Variants in CEP41 observed in about 807,000 individuals in gnomAD.
CEP41 encodes the protein centrosomal protein 41, also known as centrosomal protein of 41 kDa.
Under a neutral mutation model 44.3 loss-of-function variants are expected in CEP41, and 32 were observed. The observed-to-expected ratio is 0.72, with a 90% confidence interval of 0.54 to 0.97. CEP41 has a LOEUF of 0.97. Ranked by LOEUF, CEP41 falls within the 50% of genes least tolerant of loss-of-function variation. The probability of loss-of-function intolerance (pLI) is 0.00; values close to 1 mark genes in which losing one functional copy is unlikely to be tolerated. For missense variants in CEP41, 432 were observed against 455.2 expected, an observed-to-expected ratio of 0.95 and a Z score of 0.46; for synonymous variants, 151 against 168.5, an observed-to-expected ratio of 0.90 and a Z score of 0.80.
intron 4 of CEP41, among the ~76,000 whole-genome samples, 179 bp from the exon 5 acceptor site, chr7:130,411,370 C>T (rs1461888477): frequency 2.0e-5 from 3 of 152,186 alleles, no homozygotes; most frequent in Non-Finnish European, 4.4e-5. Flanking sequence ...TGGTAATATA[C>T]TGCAGATGAT....
chr7:130,419,903 C>G (rs937072332), intron 2 of CEP41: 1 of 985,378 alleles, frequency 1.0e-6, no homozygotes, highest in South Asian at 4.7e-5. Context: ...ACTGTATTGT[C>G]TTACCTACCT....
intron 2 of CEP41, chr7:130,420,791 A>AAATG: frequency 1.7e-6 from 1 of 596,802 alleles, no homozygotes; most frequent in Non-Finnish European, 2.1e-6. Flanking sequence ...ATAAATAAAT[A>AAATG]AATAGGAAAA....
At chr7:130,436,645 T>C (rs1463683655) in intron 1 of CEP41, among the ~76,000 whole-genome samples, 29 of 68,344 alleles carry the variant, frequency 4.2e-4, no homozygotes, top group African/African-American at 1.7e-3. Flanking sequence ...TTTGTACTAT[T>C]TTTTTTTTTT....
In CEP41 at chr7:130,432,042, C is replaced by T. The variant is rs1301212733; in HGVS notation, c.34-4024G>A. Among the ~76,000 whole-genome samples the T allele has an allele frequency of 3.9e-5, 6 of 152,050 alleles. No individual in the cohort carries two copies. The South Asian group carries it at 6.2e-4, about 16-fold the overall frequency. Reference sequence around the variant, plus strand: ...CTACAATTACAGGACAGCCCCACCACAAAGAATTAGCCAGCCCAAACGCCA... The same window carrying T: ...CTACAATTACAGGACAGCCCCACCATAAAGAATTAGCCAGCCCAAACGCCA... On this transcript the variant is annotated intron_variant, in intron 1 of 10. Coordinates refer to ENST00000223208, the MANE Select transcript of CEP41 (RefSeq NM_018718.3).
rs369274403 is a variant in CEP41 at position 130,411,568 on chromosome 7, C to T, written c.208-377G>A. ...ACATAGAATGGTATCAGCAATTATC[C>T]ACGCAATGAAGAAGTAAATGTAATA... On this transcript the variant is annotated intron_variant, in intron 4 of 10. Coordinates refer to ENST00000223208, the MANE Select transcript of CEP41 (RefSeq NM_018718.3). Among the ~76,000 whole-genome samples, 178 of 152,276 alleles carry T rather than the reference C, an allele frequency of 1.2e-3. 1 individual carries two copies. Among genetic ancestry groups the T allele is most frequent in the African/African-American group, 3.9e-3 (160 of 41,550 alleles).
In CEP41 at chr7:130,395,772, C is replaced by A. The variant is rs1168997749; in HGVS notation, c.*3119G>T. ...GAATTTTTGTATAATTTAAATAGCA[C>A]CACAGGAAAAATCCCTGAGCAACTA... is the stretch of plus-strand genomic sequence containing the variant. On this transcript the variant is annotated 3_prime_UTR_variant, in exon 11 of 11. Transcript: ENST00000223208. 4.4e-6 allele frequency: 2 copies of A among 453,414 alleles called. No homozygotes were observed. Among genetic ancestry groups the A allele is most frequent in the African/African-American group, 2.0e-5 (1 of 49,890 alleles). 28.1% of individuals were successfully genotyped at this position (453,414 alleles called of 1,614,324 possible).
At chr7:130,429,348 G>C (rs1797760166) in intron 1 of CEP41, among the ~76,000 whole-genome samples, 1 of 152,186 alleles carries the variant, frequency 6.6e-6, no homozygotes, top group Non-Finnish European at 1.5e-5. Context: ...GGTCTCCTTT[G>C]TGCTGCTGTC....
chr7:130,428,500 C>A (rs1318112306), intron 1 of CEP41, among the ~76,000 whole-genome samples: 1 of 141,674 alleles, frequency 7.1e-6, no homozygotes, highest in Non-Finnish European at 1.5e-5. Flanking sequence ...ATATAGGATT[C>A]TTTTCAACAG....
intron 3 of CEP41, among the ~76,000 whole-genome samples, chr7:130,414,986 G>T (rs924106028): frequency 3.3e-5 from 5 of 152,190 alleles, no homozygotes; most frequent in African/African-American, 1.2e-4. Flanking sequence ...ACAGAGACCT[G>T]ACTATCTAGG....
At chr7:130,410,461 A>G (rs1448951990) in intron 5 of CEP41, among the ~76,000 whole-genome samples, 16 of 152,166 alleles carry the variant, frequency 1.1e-4, no homozygotes. Context: ...CAGCAAGAAG[A>G]CACTGGATGC....
chr7:130,421,641 T>C (rs1797512920), intron 2 of CEP41: 2 of 1,037,574 alleles, frequency 1.9e-6, no homozygotes, highest in South Asian at 4.5e-5. Flanking sequence ...TGTCTAGAGA[T>C]AATAAAAGGA....
At chr7:130,422,074 G>C in intron 2 of CEP41, 1 of 1,524,192 alleles carries the variant, frequency 6.6e-7, no homozygotes, top group Non-Finnish European at 8.8e-7. Context: ...GCTGCACTCA[G>C]TGTTTGAGTT....
chr7:130,406,336 C>A (rs1797007410), intron 5 of CEP41, among the ~76,000 whole-genome samples: 1 of 152,152 alleles, frequency 6.6e-6, no homozygotes, highest in Non-Finnish European at 1.5e-5. Flanking sequence ...GTAATCCCAG[C>A]ACTTTGGGAG....
In CEP41 at chr7:130,398,820, C is replaced by T. The variant is rs533789836; in HGVS notation, c.*71G>A. On this transcript the variant is annotated 3_prime_UTR_variant, in exon 11 of 11. Coordinates refer to ENST00000223208, the MANE Select transcript of CEP41 (RefSeq NM_018718.3). Reference sequence around the variant, plus strand: ...CCTCTGCAGAAGTTTCTGGAAATGACCCAACTTGGGAAATGCTCAGGGGTT... The same window carrying T: ...CCTCTGCAGAAGTTTCTGGAAATGATCCAACTTGGGAAATGCTCAGGGGTT... 3 of 1,575,370 alleles carry T rather than the reference C, an allele frequency of 1.9e-6. No individual in the cohort carries two copies. In the African/African-American group the frequency reaches 4.0e-5, roughly 21 times the overall value.
chr7:130,426,715 TG>T, intron 2 of CEP41: 1 of 453,484 alleles, frequency 2.2e-6, no homozygotes, highest in Non-Finnish European at 4.4e-6. Flanking sequence ...AGGGTTTTTG[TG>T]GCAGAAGAAA....
At chr7:130,419,196 G>GCAATTATACAAAAATACAA in intron 2 of CEP41, 2 of 985,398 alleles carry the variant, frequency 2.0e-6, no homozygotes, top group Non-Finnish European at 2.4e-6. Flanking sequence ...AATATTTGGT[G>GCAATTATACAAAAATACAA]AAATTCAGAC....
At chr7:130,418,135 C>G (rs1473929235) in intron 2 of CEP41, among the ~76,000 whole-genome samples, 3 of 152,124 alleles carry the variant, frequency 2.0e-5, no homozygotes, top group Non-Finnish European at 4.4e-5. Context: ...CATACACTCT[C>G]TGTATCCAGG....
chr7:130,429,166 C>T (rs1797754355), intron 1 of CEP41, among the ~76,000 whole-genome samples: 1 of 152,146 alleles, frequency 6.6e-6, no homozygotes, highest in African/African-American at 2.4e-5. Flanking sequence ...AGGGATCCAG[C>T]CCTAAGCACA....
At chr7:130,424,779 G>C (rs1203455058) in intron 2 of CEP41, among the ~76,000 whole-genome samples, 2 of 152,040 alleles carry the variant, frequency 1.3e-5, no homozygotes, top group African/African-American at 4.8e-5. Context: ...AAATCATTGG[G>C]ATCGAGGCCA....
Sources: allele counts gnomAD v4.1 joint callset (sites outside exome capture counted in the v4.1 genomes callset), GRCh38; gene constraint gnomAD v4.1.1; transcripts MANE v1.5; gene names NCBI Gene and HGNC (gene_info 2026-07-23, HGNC 2026-07-21).